Variants in HSF5 observed in about 807,000 individuals in gnomAD.
The protein encoded by HSF5 is heat shock factor protein 5.
In HSF5, 5 loss-of-function variants were observed where a neutral mutation model predicts 50.8. The ratio of observed to expected loss-of-function variants is 0.10; its 90% CI spans 0.05 to 0.21. The LOEUF (loss-of-function observed/expected upper bound fraction) is 0.21. Ranked by LOEUF, HSF5 falls within the 10% of genes least tolerant of loss-of-function variation. The probability of loss-of-function intolerance (pLI) is 1.00; values close to 1 mark genes in which losing one functional copy is unlikely to be tolerated. For synonymous variants in HSF5, 307 were observed against 307.4 expected (o/e 1.00, Z 0.02); for missense variants, 564 against 762.6 (o/e 0.74, Z 3.07).
chr17:58,445,988 A>T (rs1417714150), intron 5 of HSF5, among the ~76,000 whole-genome samples: 2 of 152,020 alleles, frequency 1.3e-5, no homozygotes, highest in Non-Finnish European at 2.9e-5. Flanking sequence ...ATACAAAAAA[A>T]TTAGCCAGGT....
chr17:58,486,806 G>A (rs898482848), intron 1 of HSF5, among the ~76,000 whole-genome samples: 5 of 152,066 alleles, frequency 3.3e-5, no homozygotes, highest in African/African-American at 1.2e-4. Context: ...GTGCCAATAG[G>A]TGGAAGGTGG....
chr17:58,459,349 T>C (rs916457133), intron 4 of HSF5, among the ~76,000 whole-genome samples: 1 of 152,070 alleles, frequency 6.6e-6, no homozygotes, highest in Non-Finnish European at 1.5e-5. Context: ...AGCTAATTTT[T>C]AAAAAGTTTT....
intron 5 of HSF5, among the ~76,000 whole-genome samples, chr17:58,439,292 A>G (rs1237781444): frequency 6.6e-6 from 1 of 150,910 alleles, no homozygotes; most frequent in African/African-American, 2.4e-5. Context: ...AAAAACAACA[A>G]CAACCAAAAA....
intron 5 of HSF5, among the ~76,000 whole-genome samples, chr17:58,454,796 AC>A: frequency 6.6e-6 from 1 of 152,346 alleles, no homozygotes; most frequent in South Asian, 2.1e-4. Flanking sequence ...CACAATGGAA[AC>A]TATAAAACAT....
At chr17:58,467,166 T>G (rs1290249638) in intron 2 of HSF5, among the ~76,000 whole-genome samples, 187 bp from the exon 3 acceptor site, 1 of 152,222 alleles carries the variant, frequency 6.6e-6, no homozygotes, top group African/African-American at 2.4e-5. Context: ...AACAAAATAA[T>G]TTTAAAGGTC....
rs775071527 is a variant in HSF5 at position 58,488,278 on chromosome 17, C to G, written c.-4G>C. 3 of 1,466,422 alleles carry G rather than the reference C, an allele frequency of 2.0e-6. No individual in the cohort carries two copies. Among genetic ancestry groups the G allele is most frequent in the East Asian group, 2.6e-5 (1 of 38,528 alleles). The allele number at this position is 1,466,422 out of a possible 1,614,324, so 90.8% of individuals were successfully genotyped here. ...GGGTGGAGAGCAGCGCCTCCATCGC[C>G]CCGCCGGGCCGGGGCCTCGCCCCCC... On this transcript the variant is annotated 5_prime_UTR_variant, in exon 1 of 6. Transcript: ENST00000323777. This position sits in a 1 kb window ranked among gnomAD's most constrained non-coding sequence, Gnocchi z 4.1.
chr17:58,479,572 G>A (rs1167255871), intron 2 of HSF5, among the ~76,000 whole-genome samples: 1 of 152,050 alleles, frequency 6.6e-6, no homozygotes, highest in Non-Finnish European at 1.5e-5. Flanking sequence ...CAAAGTGCTG[G>A]GATTACAGGT....
At chr17:58,431,168 T>C (rs575585633) in intron 5 of HSF5, among the ~76,000 whole-genome samples, 4 of 152,344 alleles carry the variant, frequency 2.6e-5, no homozygotes, top group Admixed American at 2.0e-4. Flanking sequence ...ACCATGATTG[T>C]GAGGCCTCCC....
At chr17:58,443,048 C>A (rs974733302) in intron 5 of HSF5, among the ~76,000 whole-genome samples, 1 of 152,078 alleles carries the variant, frequency 6.6e-6, no homozygotes, top group Admixed American at 6.6e-5. Flanking sequence ...TCTGGGACTA[C>A]AGGCGCCCAC....
At chr17:58,461,762 T>A (rs1192824290) in intron 4 of HSF5, among the ~76,000 whole-genome samples, 1 of 151,908 alleles carries the variant, frequency 6.6e-6, no homozygotes, top group Non-Finnish European at 1.5e-5. Context: ...CCCAGTTACT[T>A]GGGAGGATAA....
At position 58,425,575 on chromosome 17, in the gene HSF5, CAAAAAAAA is replaced by C. The variant is rs66502039; in HGVS notation, c.1721-3153_1721-3146del. Among the ~76,000 whole-genome samples the C allele has an allele frequency of 1.2e-4, 4 of 32,984 alleles. No homozygotes were observed. The East Asian group carries it at 3.7e-3, about 31-fold the overall frequency. 21.6% of individuals were successfully genotyped at this position (32,984 alleles called of 152,430 possible). ...GGGCAACATAGTAAGACCTCTATCTCAAAAAAAAAAAAAAAAAAAAAAAAAAACAGGTT... is the reference window on the plus strand; with the variant it reads ...GGGCAACATAGTAAGACCTCTATCTCAAAAAAAAAAAAAAAAAAACAGGTT... On this transcript the variant is annotated intron_variant, in intron 5 of 5. Coordinates refer to ENST00000323777, the MANE Select transcript of HSF5 (RefSeq NM_001080439.3).
At chr17:58,452,088 A>G (rs539608880) in intron 5 of HSF5, among the ~76,000 whole-genome samples, 3 of 151,916 alleles carry the variant, frequency 2.0e-5, no homozygotes, top group Non-Finnish European at 2.9e-5. Context: ...TCTACAAAAA[A>G]AAATTTTTAA....
At chr17:58,475,920 G>A (rs887981865) in intron 2 of HSF5, among the ~76,000 whole-genome samples, 5 of 152,134 alleles carry the variant, frequency 3.3e-5, no homozygotes, top group Non-Finnish European at 5.9e-5. Flanking sequence ...GAAAGGGGTA[G>A]AGACTCTTTT....
In HSF5 at chr17:58,463,045, T is replaced by C. The variant is rs1567913840; in HGVS notation, c.1279A>G (p.Ser427Gly). The C allele has an allele frequency of 6.2e-7, 1 of 1,614,134 alleles. No homozygotes were observed. Among genetic ancestry groups the C allele is most frequent in the Non-Finnish European group, 8.5e-7 (1 of 1,180,046 alleles). ...ACAGGAGTAAGTGGCTCCAGCTGGCTAGCCTGACTTGCAGAACATGGATTG... is the reference window on the plus strand; with the variant it reads ...ACAGGAGTAAGTGGCTCCAGCTGGCCAGCCTGACTTGCAGAACATGGATTG... ...NSNPCSASQA[S>G]QLEPLTPVGS... is the part of the protein sequence containing the mutation. Residue 427 changes from serine to glycine, a missense_variant, in exon 4 of 6, where the codon AGC (serine) becomes GGC (glycine). This residue lies in a region of HSF5 where 441 missense variants were observed against 533.6 expected (regional missense o/e 0.83). Coordinates refer to ENST00000323777, the MANE Select transcript of HSF5 (RefSeq NM_001080439.3).
chr17:58,457,849 T>G (rs1242590473), intron 5 of HSF5, among the ~76,000 whole-genome samples: 1 of 152,180 alleles, frequency 6.6e-6, no homozygotes, highest in East Asian at 1.9e-4. Flanking sequence ...GAAAATATAA[T>G]CAACTAAAAG....
intron 4 of HSF5, among the ~76,000 whole-genome samples, chr17:58,459,234 C>T (rs1326718939): frequency 1.3e-5 from 2 of 151,602 alleles, no homozygotes; most frequent in African/African-American, 4.8e-5. Context: ...GGCAGGGTCT[C>T]ACATTGTTGT....
At chr17:58,469,083 C>CAAAACTCGGGAAGGGAAAA (rs1472125330) in intron 2 of HSF5, among the ~76,000 whole-genome samples, 2 of 137,738 alleles carry the variant, frequency 1.5e-5, no homozygotes. Flanking sequence ...CAGAGCTTGC[C>CAAAACTCGGGAAGGGAAAA]AAAACTCGGG....
At chr17:58,468,624 T>A (rs1974904227) in intron 2 of HSF5, among the ~76,000 whole-genome samples, 1 of 152,134 alleles carries the variant, frequency 6.6e-6, no homozygotes, top group Non-Finnish European at 1.5e-5. Context: ...TAAGAATTTT[T>A]AAAAAATAGC....
intron 5 of HSF5, among the ~76,000 whole-genome samples, chr17:58,450,014 C>G (rs1974612913): frequency 8.4e-6 from 1 of 118,990 alleles, no homozygotes; most frequent in Non-Finnish European, 1.7e-5. Context: ...CAGAGCGAGA[C>G]TCCGTCTCAA....
Sources: gnomAD v4.1 joint callset for allele counts (sites outside exome capture counted in the v4.1 genomes callset) on GRCh38, gnomAD v4.1.1 for gene constraint, gnomAD v4.1.1 regional missense constraint, Gnocchi (gnomAD v3.1) non-coding constraint, MANE v1.5 for transcripts, NCBI Gene and HGNC (gene_info 2026-07-23, HGNC 2026-07-21) for gene names.